The following MMRN2 variants were observed in gnomAD, a reference collection of about 807,000 sequenced individuals.
The protein encoded by MMRN2 is multimerin-2.
In MMRN2, 53 loss-of-function variants were observed where a neutral mutation model predicts 68.8. The observed-to-expected ratio is 0.77, with a 90% CI of 0.62 to 0.97. The LOEUF (loss-of-function observed/expected upper bound fraction) is 0.97, where lower values mean the gene tolerates loss of function less well. Among genes scored for constraint, MMRN2 ranks in the 50% least tolerant of loss-of-function variants. MMRN2 has a pLI of 0.00. For missense variants in MMRN2, 1,266 were observed against 1,259.5 expected (o/e 1.01, Z -0.08); for synonymous variants, 564 against 551.6 (o/e 1.02, Z -0.32).
rs1302990648 is a variant in MMRN2 at position 86,942,802 on chromosome 10, C to G, written c.1982G>C (p.Arg661Pro). 3 of 1,358,382 alleles carry G rather than the reference C, an allele frequency of 2.2e-6. No homozygotes were observed. In the South Asian group the frequency reaches 5.2e-5, roughly 24 times the overall value. The allele number at this position is 1,358,382 out of a possible 1,614,324, so 84.1% of individuals were successfully genotyped here. A position where few individuals can be genotyped will look rare whatever the true frequency, so the allele number is the denominator to read the frequency against. Residue 661 changes from arginine to proline, a missense_variant, in exon 6 of 7, where the codon CGA (arginine) becomes CCA (proline). Transcript: ENST00000372027. ...CGAGGCCTGCTCCAGGGCCGTCACTCGGGCGGCCAGCTCGTCCCAGCCGAG... is the reference window on the plus strand; with the variant it reads ...CGAGGCCTGCTCCAGGGCCGTCACTGGGGCGGCCAGCTCGTCCCAGCCGAG... ...QALGWDELAA[R>P]VTALEQASEP... is the part of the protein sequence containing the mutation.
chr10:86,937,452 CTT>C (rs34239768), intron 6 of MMRN2, among the ~76,000 whole-genome samples: 5 of 146,440 alleles, frequency 3.4e-5, no homozygotes, highest in Admixed American at 6.8e-5. Context: ...CACTGCAGCC[CTT>C]TTTTTTTTTT....
chr10:86,938,735 C>T (rs1418732537), intron 6 of MMRN2, among the ~76,000 whole-genome samples: 5 of 152,202 alleles, frequency 3.3e-5, no homozygotes, highest in African/African-American at 9.7e-5. Flanking sequence ...ACTTGGGTCC[C>T]GGAACTCAAG....
chr10:86,936,352 G>C lies in MMRN2; in HGVS notation c.*391C>G. 4.6e-6 allele frequency: 2 copies of C among 439,266 alleles called. No individual in the cohort carries two copies. Among genetic ancestry groups the C allele is most frequent in the Non-Finnish European group, 8.0e-6 (2 of 250,338 alleles). 27.2% of individuals were successfully genotyped at this position (439,266 alleles called of 1,614,324 possible). A position where few individuals can be genotyped will look rare whatever the true frequency, so the allele number is the denominator to read the frequency against. ...AATGTCTTTCTATCATACGATAAGGGAGAAGAGAAGAGGAAGCAAGAGAAA... is the reference window on the plus strand; with the variant it reads ...AATGTCTTTCTATCATACGATAAGGCAGAAGAGAAGAGGAAGCAAGAGAAA... On this transcript the variant is annotated 3_prime_UTR_variant, in exon 7 of 7. Transcript: ENST00000372027.
At position 86,942,577 on chromosome 10, in the gene MMRN2, G is replaced by T; in HGVS notation, c.2207C>A (p.Ala736Glu). ...CAAGCTGCGCTGAGTGGCGAAGAGT[G>T]CGTTGTGGAGGCCGTGAAGGGAGGC... ...LNASLHGLHNALFATQRSLEQ... is the reference protein window; with the variant it reads ...LNASLHGLHNELFATQRSLEQ... Residue 736 changes from alanine to glutamate, a missense_variant, in exon 6 of 7, where the codon GCA becomes GAA. Physicochemically the swap from Ala to Glu is moderately radical, Grantham distance 107. Transcript: ENST00000372027. 6.2e-7 allele frequency: 1 copy of T among 1,612,194 alleles called. No homozygotes were observed.
At chr10:86,941,760 A>G (rs1843970379) in intron 6 of MMRN2, among the ~76,000 whole-genome samples, 1 of 148,618 alleles carries the variant, frequency 6.7e-6, no homozygotes, top group African/African-American at 2.5e-5. Flanking sequence ...TGATCCCACC[A>G]CTGTACTCAA....
At chr10:86,949,827 G>C (rs1331165372) in intron 1 of MMRN2, 3 of 151,214 alleles carry the variant, frequency 2.0e-5, no homozygotes, top group African/African-American at 4.8e-5. Context: ...AGTGAGTGGA[G>C]ACTGTACCAC....
intron 1 of MMRN2, among the ~76,000 whole-genome samples, chr10:86,950,837 A>G (rs967956068): frequency 2.6e-5 from 4 of 152,210 alleles, no homozygotes; most frequent in Non-Finnish European, 5.9e-5. Flanking sequence ...AAAAGTGTGC[A>G]AGGGGGCAAA....
At chr10:86,946,699 A>G (rs1487497517) in intron 1 of MMRN2, among the ~76,000 whole-genome samples, 2 of 152,104 alleles carry the variant, frequency 1.3e-5, no homozygotes, top group African/African-American at 4.8e-5. Context: ...CCCAGAACAG[A>G]GCTCGTCAGA....
chr10:86,943,301 G>A lies in MMRN2; in HGVS notation c.1483C>T (p.Gln495Ter), dbSNP rs1844006514. The change falls in exon 6 of 7, where the codon CAG becomes TAG. Residue 495 changes from glutamine to a stop codon, truncating the protein, a stop_gained. Coordinates refer to ENST00000372027, the MANE Select transcript of MMRN2 (RefSeq NM_024756.3). LOFTEE classifies it high-confidence loss of function. The surrounding 1 kb of genome is among the most constrained non-coding windows in gnomAD (Gnocchi z 4.2). ...LIKYVKDCNCQKLYLDLDVIR... is the reference protein window; with the variant it reads ...LIKYVKDCNC ...ACGTCCAGGTCTAAATAGAGCTTCT[G>A]GCAATTGCAGTCCTTCACGTACTTG... 1.2e-6 allele frequency: 2 copies of A among 1,613,794 alleles called. No individual in the cohort carries two copies. Among genetic ancestry groups the A allele is most frequent in the Non-Finnish European group, 1.7e-6 (2 of 1,180,022 alleles).
At position 86,936,986 on chromosome 10, in the gene MMRN2, G is replaced by GAC; in HGVS notation, c.2605_2606dup (p.Tyr870SerfsTer6). 1 of 1,614,222 alleles carries GAC rather than the reference G, an allele frequency of 6.2e-7. No individual in the cohort carries two copies. Among genetic ancestry groups the GAC allele is most frequent in the South Asian group, 1.1e-5 (1 of 91,082 alleles). ...ATTCAACGCTCACTGCAAACAGGTA[G>GAC]ACACCACGCTCAGGGGCTCGGAAGT... On this transcript the variant is annotated frameshift_variant, in exon 7 of 7. Transcript: ENST00000372027. LOFTEE classifies it low-confidence loss of function (END_TRUNC).
At chr10:86,944,647 A>G in intron 4 of MMRN2, 1 of 563,412 alleles carries the variant, frequency 1.8e-6, no homozygotes, top group African/African-American at 1.9e-5. Context: ...GACATGACTA[A>G]TCAATCATGG....
At position 86,943,625 on chromosome 10, in the gene MMRN2, T is replaced by C. The variant is rs768461387; in HGVS notation, c.1159A>G (p.Thr387Ala). ...QRNLSELHMT[T>A]ARREEELQYT... ...TGCAACTCCTCCTCCCTGCGGGCCG[T>C]GGTCATGTGCAGCTCTGAGAGGTTC... The change falls in exon 6 of 7, where the codon ACG (threonine) becomes GCG (alanine). Residue 387 changes from threonine (T) to alanine (A), a missense_variant. Transcript: ENST00000372027. This position sits in a 1 kb window ranked among gnomAD's most constrained non-coding sequence, Gnocchi z 4.2. 8 of 1,613,646 alleles carry C rather than the reference T, an allele frequency of 5.0e-6. No homozygotes were observed. Among genetic ancestry groups the C allele is most frequent in the Non-Finnish European group, 6.8e-6 (8 of 1,180,010 alleles).
chr10:86,946,251 T>A (rs1298223042), intron 1 of MMRN2, among the ~76,000 whole-genome samples: 1 of 152,170 alleles, frequency 6.6e-6, no homozygotes, highest in Non-Finnish European at 1.5e-5. Flanking sequence ...CTCCTTTAAG[T>A]GGGCAGAGAA....
intron 4 of MMRN2, 106 bp downstream of exon 4, chr10:86,945,082 G>A: frequency 1.0e-6 from 1 of 980,556 alleles, no homozygotes; most frequent in Non-Finnish European, 1.5e-6. Context: ...TGATTCTGGA[G>A]GCAAGGTTTC....
intron 6 of MMRN2, 76 bp from the exon 7 acceptor site, chr10:86,937,201 C>G: frequency 6.7e-7 from 1 of 1,489,562 alleles, no homozygotes; most frequent in Non-Finnish European, 9.1e-7. Context: ...TGAGACCTAC[C>G]GTCCTCACCT....
intron 1 of MMRN2, among the ~76,000 whole-genome samples, chr10:86,956,174 G>A (rs895082535): frequency 1.0e-4 from 6 of 58,088 alleles, no homozygotes; most frequent in African/African-American, 3.5e-4. Context: ...CCCCACCACC[G>A]AGAATCACCT....
intron 1 of MMRN2, among the ~76,000 whole-genome samples, chr10:86,947,442 G>A (rs1384590708): frequency 1.3e-5 from 2 of 151,782 alleles, no homozygotes; most frequent in East Asian, 3.9e-4. Flanking sequence ...ATCTCGGCTT[G>A]CTGCAACCTC....
At chr10:86,954,909 C>T (rs1844196995) in intron 1 of MMRN2, among the ~76,000 whole-genome samples, 1 of 152,174 alleles carries the variant, frequency 6.6e-6, no homozygotes, top group Non-Finnish European at 1.5e-5. Context: ...CTGTGCTCTG[C>T]CCTGCTCCTG....
At position 86,936,871 on chromosome 10, in the gene MMRN2, C is replaced by G. The variant is rs957946481; in HGVS notation, c.2722G>C (p.Ala908Pro). 6.2e-7 allele frequency: 1 copy of G among 1,614,132 alleles called. No homozygotes were observed. The highest frequency in any genetic ancestry group is 1.3e-5 in the African/African-American group (1 of 74,942). The change falls in exon 7 of 7, where the codon GCA (alanine) becomes CCA (proline). Residue 908 changes from alanine (A) to proline (P), a missense_variant. By Grantham distance (27) the Ala-to-Pro change is conservative. Transcript: ENST00000372027. ...CTTGQGSGSTATVFAMAELQK... is the reference protein window; with the variant it reads ...CTTGQGSGSTPTVFAMAELQK... ...AGCTCAGCCATGGCAAAGACCGTTGCTGTGCTTCCACTCCCCTGCCCAGTG... is the reference window on the plus strand; with the variant it reads ...AGCTCAGCCATGGCAAAGACCGTTGGTGTGCTTCCACTCCCCTGCCCAGTG...
Sources: gnomAD v4.1 joint callset for allele counts (sites outside exome capture counted in the v4.1 genomes callset) on GRCh38, gnomAD v4.1.1 for gene constraint, Gnocchi (gnomAD v3.1) non-coding constraint, MANE v1.5 for transcripts, NCBI Gene and HGNC (gene_info 2026-07-23, HGNC 2026-07-21) for gene names.